Variants in COL22A1 observed in about 807,000 individuals in gnomAD.
COL22A1 encodes the protein collagen alpha-1(XXII) chain.
A neutral mutation model predicts 248.9 loss-of-function variants in COL22A1; 221 were observed. That is an observed-to-expected ratio of 0.89 (90% CI 0.80 to 0.99). The LOEUF (loss-of-function observed/expected upper bound fraction) is 0.99. Ranked by LOEUF, COL22A1 falls within the 50% of genes least tolerant of loss-of-function variation. The pLI is 0.00. For synonymous variants in COL22A1, 891 were observed against 793.4 expected (o/e 1.12, Z -2.07); for missense variants, 2,240 against 2,179.0 (o/e 1.03, Z -0.56).
intron 16 of COL22A1, among the ~76,000 whole-genome samples, chr8:138,769,048 T>G (rs958036177): frequency 6.6e-6 from 1 of 152,190 alleles, no homozygotes; most frequent in Non-Finnish European, 1.5e-5. Context: ...TTCTCTTTCT[T>G]CTGGAATTCA....
intron 56 of COL22A1, 115 bp from the exon 57 acceptor site, chr8:138,608,104 C>A: frequency 1.2e-6 from 1 of 814,024 alleles, no homozygotes; most frequent in Non-Finnish European, 1.9e-6. Context: ...GTTACTCTAG[C>A]CAGTGTGGCT....
intron 11 of COL22A1, among the ~76,000 whole-genome samples, chr8:138,801,651 C>T (rs961080888): frequency 1.3e-5 from 2 of 152,012 alleles, no homozygotes; most frequent in East Asian, 3.9e-4. Flanking sequence ...TTAGGGAGGC[C>T]GAGGCGTACC....
At chr8:138,805,115 T>C (rs539965833) in intron 10 of COL22A1, among the ~76,000 whole-genome samples, 27 of 122,042 alleles carry the variant, frequency 2.2e-4, no homozygotes, top group Middle Eastern at 6.2e-3. Context: ...GTGTGTGTGA[T>C]GGTGTATGTA....
chr8:138,803,852 T>G lies in COL22A1; in HGVS notation c.1495-918A>C, dbSNP rs564637385. Among the ~76,000 whole-genome samples the G allele has an allele frequency of 5.8e-3, 877 of 152,348 alleles. 11 individuals carry two copies. Among genetic ancestry groups the G allele is most frequent in the Non-Finnish European group, 8.0e-3 (542 of 68,034 alleles). On this transcript the variant is annotated intron_variant, in intron 10 of 64. Transcript: ENST00000303045. ...ATCTCTCTTGTTCCCAGCTCATCTT[T>G]TATATTCTAAGAACACATGGCTACT...
At chr8:138,765,388 T>G (rs905734366) in intron 16 of COL22A1, among the ~76,000 whole-genome samples, 1 of 152,132 alleles carries the variant, frequency 6.6e-6, no homozygotes, top group African/African-American at 2.4e-5. Context: ...CAAAGGCACA[T>G]AGAAACTTAG....
chr8:138,773,935 C>A (rs532332948), intron 16 of COL22A1, among the ~76,000 whole-genome samples: 3 of 152,166 alleles, frequency 2.0e-5, no homozygotes, highest in African/African-American at 7.2e-5. Flanking sequence ...CCCCACTCTC[C>A]GCTACACGGG....
At chr8:138,628,010 G>GA (rs928414211) in intron 50 of COL22A1, among the ~76,000 whole-genome samples, 2 of 151,688 alleles carry the variant, frequency 1.3e-5, no homozygotes, top group African/African-American at 2.4e-5. Flanking sequence ...AAAAGGTTAG[G>GA]AAAAAAAATC....
At chr8:138,790,554 T>C (rs1274971265) in intron 12 of COL22A1, among the ~76,000 whole-genome samples, 1 of 152,232 alleles carries the variant, frequency 6.6e-6, no homozygotes, top group Non-Finnish European at 1.5e-5. Flanking sequence ...CGCTCTGCAG[T>C]CCAATTCTAC....
intron 59 of COL22A1, among the ~76,000 whole-genome samples, chr8:138,603,547 G>GA: frequency 6.6e-6 from 1 of 152,256 alleles, no homozygotes; most frequent in Non-Finnish European, 1.5e-5. Context: ...GCTTAGCCTA[G>GA]AATTTATTCG....
At chr8:138,613,724 G>T (rs2131895152) in intron 56 of COL22A1, 143 bp downstream of exon 56, 1 of 792,804 alleles carries the variant, frequency 1.3e-6, no homozygotes, top group Non-Finnish European at 2.3e-6. Flanking sequence ...GGGACTTAGG[G>T]GGGCAGCTAT....
intron 43 of COL22A1, 36 bp downstream of exon 43, chr8:138,661,994 G>A: frequency 6.4e-7 from 1 of 1,572,298 alleles, no homozygotes; most frequent in South Asian, 1.1e-5. Context: ...TCATGTAAGG[G>A]CCTTCACTGA....
At chr8:138,904,707 G>C (rs1814885210) in intron 1 of COL22A1, among the ~76,000 whole-genome samples, 1 of 152,062 alleles carries the variant, frequency 6.6e-6, no homozygotes. Context: ...GACACAGAAA[G>C]ATATTTCTGT....
intron 21 of COL22A1, among the ~76,000 whole-genome samples, chr8:138,752,590 G>T (rs997444030): frequency 2.0e-5 from 3 of 152,176 alleles, no homozygotes; most frequent in African/African-American, 7.2e-5. Context: ...TCAAGAAATA[G>T]CTGGCATTGA....
At chr8:138,665,634 A>T (rs1824438477) in intron 41 of COL22A1, among the ~76,000 whole-genome samples, 1 of 152,228 alleles carries the variant, frequency 6.6e-6, no homozygotes, top group Non-Finnish European at 1.5e-5. Context: ...CAGCTAAAGG[A>T]TCTTCACAGA....
intron 27 of COL22A1, 23 bp from the exon 28 acceptor site, chr8:138,716,892 C>G (rs780105265): frequency 1.3e-6 from 2 of 1,588,376 alleles, no homozygotes; most frequent in African/African-American, 2.7e-5. Context: ...TAAAACATAC[C>G]CCATTATTCT....
At chr8:138,742,233 T>C (rs1028428482) in intron 22 of COL22A1, among the ~76,000 whole-genome samples, 2 of 151,354 alleles carry the variant, frequency 1.3e-5, no homozygotes, top group Non-Finnish European at 2.9e-5. Context: ...TTGATGGTGA[T>C]GGTGATGATG....
intron 44 of COL22A1, among the ~76,000 whole-genome samples, chr8:138,659,767 C>T (rs570257762): frequency 6.6e-6 from 1 of 152,352 alleles, no homozygotes; most frequent in East Asian, 1.9e-4. Context: ...GACTCTCGGG[C>T]TGGACTGAGG....
intron 26 of COL22A1, among the ~76,000 whole-genome samples, chr8:138,721,433 CCA>C (rs1368797555): frequency 6.6e-6 from 1 of 152,140 alleles, no homozygotes; most frequent in Non-Finnish European, 1.5e-5. Context: ...TATTTGCTCC[CCA>C]GTTTTATGCT....
chr8:138,762,557 G>A, intron 16 of COL22A1, 91 bp from the exon 17 acceptor site: 1 of 1,232,160 alleles, frequency 8.1e-7, no homozygotes, highest in Non-Finnish European at 1.2e-6. Context: ...TCATGGACAA[G>A]GAGGGTGGGG....
Sources: allele counts gnomAD v4.1 joint callset (sites outside exome capture counted in the v4.1 genomes callset), GRCh38; gene constraint gnomAD v4.1.1; transcripts MANE v1.5; gene names NCBI Gene and HGNC (gene_info 2026-07-23, HGNC 2026-07-21).